Variants in ARHGAP6 observed in about 807,000 individuals in gnomAD.
ARHGAP6 encodes the protein Rho GTPase activating protein 6.
ARHGAP6 carries 16 observed loss-of-function variants against 55.7 expected under a neutral mutation model. The ratio of observed to expected loss-of-function variants is 0.29; its 90% CI spans 0.19 to 0.44. ARHGAP6 has a LOEUF of 0.44. Ranked by LOEUF, ARHGAP6 falls within the 20% of genes least tolerant of loss-of-function variation. The pLI, the probability that ARHGAP6 is intolerant of heterozygous loss-of-function variation, is 1.00. For missense variants in ARHGAP6, 698 were observed against 808.9 expected, an observed-to-expected ratio of 0.86 and a Z score of 1.66; for synonymous variants, 382 against 360.9, an observed-to-expected ratio of 1.06 and a Z score of -0.66.
Position 11,174,631 on chromosome X carries a change from CTTT to C in ARHGAP6, c.1629+3466_1629+3468del, listed in dbSNP as rs1569241506. 3.0e-4 allele frequency among the ~76,000 whole-genome samples: 8 copies of C among 27,092 alleles called. No individual in the cohort carries two copies. The East Asian group carries it at 5.7e-3, about 19-fold the overall frequency. 23.5% of individuals were successfully genotyped at this position (27,092 alleles called of 115,157 possible). Reference sequence around the variant, plus strand: ...TTCTTTCTTTCTCTTTCTTTTCTTTCTTTCTTTCTTTCTTTCTTTCTTTCTTTC... The same window carrying C: ...TTCTTTCTTTCTCTTTCTTTTCTTTCCTTTCTTTCTTTCTTTCTTTCTTTC... On this transcript the variant is annotated intron_variant, in intron 8 of 12. Transcript: ENST00000337414.
chrX:11,453,208 AATAT>A (rs760687069), intron 1 of ARHGAP6, among the ~76,000 whole-genome samples: 2 of 99,322 alleles, frequency 2.0e-5, no homozygotes, highest in Non-Finnish European at 4.0e-5. Flanking sequence ...ATATATACAT[AATAT>A]ATATATATGC....
intron 1 of ARHGAP6, among the ~76,000 whole-genome samples, chrX:11,448,541 C>A (rs2050115419): frequency 8.9e-6 from 1 of 111,822 alleles, no homozygotes; most frequent in Non-Finnish European, 1.9e-5. Flanking sequence ...TTCTCAAGCC[C>A]CTGCATGAAC....
At chrX:11,457,399 T>C (rs923205721) in intron 1 of ARHGAP6, among the ~76,000 whole-genome samples, 5 of 111,186 alleles carry the variant, frequency 4.5e-5, no homozygotes, top group Non-Finnish European at 7.6e-5. Context: ...TGATGGATGG[T>C]AAGTTTGCCT....
At chrX:11,160,269 G>A (rs1287224063) in intron 9 of ARHGAP6, among the ~76,000 whole-genome samples, 2 of 105,377 alleles carry the variant, frequency 1.9e-5, no homozygotes, top group Non-Finnish European at 3.9e-5. Flanking sequence ...CTAACATGGT[G>A]AAACCCCGTC....
chrX:11,174,578 CTTTCTTTCTTTCTTTTT>C (rs1569241248), intron 8 of ARHGAP6, among the ~76,000 whole-genome samples: 2 of 76,410 alleles, frequency 2.6e-5, no homozygotes, highest in African/African-American at 9.6e-5. Flanking sequence ...TCCTTCCTTT[CTTTCTTTCTTTCTTTTT>C]CTTTCTTTCT....
chrX:11,639,498 T>A (rs1218498474), intron 1 of ARHGAP6, among the ~76,000 whole-genome samples: 2 of 110,849 alleles, frequency 1.8e-5, no homozygotes, highest in Non-Finnish European at 3.8e-5. Context: ...TTGCTGAGAA[T>A]GATGGTTTCC....
chrX:11,415,974 G>A (rs1464370257), intron 1 of ARHGAP6, among the ~76,000 whole-genome samples: 3 of 111,767 alleles, frequency 2.7e-5, no homozygotes, highest in Non-Finnish European at 5.6e-5. Context: ...GCATTAGTGT[G>A]GTGATAGCTA....
intron 1 of ARHGAP6, among the ~76,000 whole-genome samples, chrX:11,578,605 T>C (rs2147116077): frequency 8.9e-6 from 1 of 112,143 alleles, no homozygotes; most frequent in East Asian, 2.8e-4. Context: ...GTTCAACCAT[T>C]GTGGAAGACA....
At chrX:11,385,503 A>G (rs1219068173) in intron 1 of ARHGAP6, among the ~76,000 whole-genome samples, 2 of 112,135 alleles carry the variant, frequency 1.8e-5, no homozygotes, top group East Asian at 5.6e-4. Context: ...AATTGAGTTG[A>G]GTGTAAAAAT....
chrX:11,506,728 G>A (rs751972503), intron 1 of ARHGAP6, among the ~76,000 whole-genome samples: 1 of 111,571 alleles, frequency 9.0e-6, no homozygotes, highest in Non-Finnish European at 1.9e-5. Context: ...ATAGCAGCAT[G>A]ATTTATAATC....
chrX:11,605,753 A>T, intron 1 of ARHGAP6, among the ~76,000 whole-genome samples: 1 of 111,278 alleles, frequency 9.0e-6, no homozygotes, highest in Non-Finnish European at 1.9e-5. Flanking sequence ...TCCTAATAAC[A>T]ACAATTGAAT....
intron 1 of ARHGAP6, among the ~76,000 whole-genome samples, chrX:11,627,460 T>C (rs746212866): frequency 2.7e-5 from 3 of 112,224 alleles, no homozygotes; most frequent in Non-Finnish European, 5.7e-5. Flanking sequence ...ATTAGAACTA[T>C]GCTGAGTAAA....
intron 1 of ARHGAP6, among the ~76,000 whole-genome samples, chrX:11,562,535 GA>G (rs1194820520): frequency 1.8e-5 from 2 of 111,226 alleles, no homozygotes; most frequent in Non-Finnish European, 3.8e-5. Flanking sequence ...TTTATCATTT[GA>G]ATGTTAGGAA....
At chrX:11,362,506 G>C (rs1348897757) in intron 1 of ARHGAP6, among the ~76,000 whole-genome samples, 1 of 109,753 alleles carries the variant, frequency 9.1e-6, no homozygotes, top group African/African-American at 3.3e-5. Context: ...GGACTGTTGT[G>C]GGGTGGCGGA....
chrX:11,200,170 T>G (rs1296072264), intron 2 of ARHGAP6, among the ~76,000 whole-genome samples: 1 of 112,825 alleles, frequency 8.9e-6, no homozygotes, highest in Non-Finnish European at 1.9e-5. Context: ...AGAAGTGTTT[T>G]CATGGTGCAT....
intron 1 of ARHGAP6, among the ~76,000 whole-genome samples, chrX:11,587,423 G>A (rs1435011606): frequency 8.9e-6 from 1 of 111,861 alleles, no homozygotes; most frequent in African/African-American, 3.2e-5. Context: ...ATTCTTTCTA[G>A]ATAAGAATTT....
chrX:11,361,269 G>A (rs1241945033), intron 1 of ARHGAP6, among the ~76,000 whole-genome samples: 1 of 109,972 alleles, frequency 9.1e-6, no homozygotes, highest in Non-Finnish European at 1.9e-5. Flanking sequence ...CAAGGCTACA[G>A]TAACCAAAAC....
At chrX:11,563,924 T>A (rs768550518) in intron 1 of ARHGAP6, among the ~76,000 whole-genome samples, 2 of 111,536 alleles carry the variant, frequency 1.8e-5, no homozygotes, top group Non-Finnish European at 3.8e-5. Context: ...GACTTGTCAC[T>A]TTTTTTAGTC....
chrX:11,481,747 G>C (rs2050458770), intron 1 of ARHGAP6, among the ~76,000 whole-genome samples: 1 of 112,582 alleles, frequency 8.9e-6, no homozygotes, highest in Non-Finnish European at 1.9e-5. Context: ...CAATTTAACT[G>C]GATGTCCTGT....
Sources: allele counts gnomAD v4.1 joint callset (sites outside exome capture counted in the v4.1 genomes callset), GRCh38; gene constraint gnomAD v4.1.1; transcripts MANE v1.5; gene names NCBI Gene and HGNC (gene_info 2026-07-23, HGNC 2026-07-21).